Variants in INSL6 observed in about 807,000 individuals in gnomAD.
INSL6 encodes insulin-like peptide INSL6.
Under a neutral mutation model 9.4 loss-of-function variants are expected in INSL6, and 16 were observed. The ratio of observed to expected loss-of-function variants is 1.70; its 90% CI spans 1.15 to 2.59. INSL6 has a LOEUF of 2.59. INSL6 is among the 30% of genes most tolerant of loss of function. The pLI is 0.00. For missense variants in INSL6, 391 were observed against 257.3 expected (o/e 1.52, Z -3.56); for synonymous variants, 154 against 96.9 (o/e 1.59, Z -3.46).
the INSL6 span, among the ~76,000 whole-genome samples, chr9:5,065,739 T>G: frequency 6.6e-6 from 1 of 152,206 alleles, no homozygotes; most frequent in Non-Finnish European, 1.5e-5. Context: ...GTCCTAATGA[T>G]CTCTTAGCTA....
intron 1 of INSL6, among the ~76,000 whole-genome samples, chr9:5,180,764 T>C (rs1261663722): frequency 6.6e-6 from 1 of 152,220 alleles, no homozygotes; most frequent in Non-Finnish European, 1.5e-5. Flanking sequence ...TCAGTAGTTC[T>C]GCTTTTGCCC....
intron 3 of INSL6, among the ~76,000 whole-genome samples, chr9:5,130,719 A>AT (rs1185622576): frequency 6.7e-6 from 1 of 149,402 alleles, no homozygotes; most frequent in African/African-American, 2.5e-5. Context: ...TATTTTTTTT[A>AT]TTTTTTATTT....
the INSL6 span, among the ~76,000 whole-genome samples, chr9:5,016,303 G>A: frequency 1.6e-4 from 25 of 152,258 alleles, no homozygotes; most frequent in African/African-American, 5.8e-4. Flanking sequence ...TTAACCTGCT[G>A]TTATAAGACC....
chr9:5,094,957 C>T, the INSL6 span: 1 of 152,174 alleles, frequency 6.6e-6, no homozygotes, highest in Non-Finnish European at 1.5e-5. Flanking sequence ...CTACCACTTA[C>T]ATTAGCATTC....
chr9:5,006,776 A>G, the INSL6 span, among the ~76,000 whole-genome samples: 1 of 152,234 alleles, frequency 6.6e-6, no homozygotes, highest in Non-Finnish European at 1.5e-5. Flanking sequence ...CTAACACTGA[A>G]GATCATAATT....
At chr9:5,127,644 A>ATATT (rs1197131255) in intron 3 of INSL6, 2 of 232,032 alleles carry the variant, frequency 8.6e-6, no homozygotes, top group Non-Finnish European at 1.7e-5. Flanking sequence ...AATGCCAGGA[A>ATATT]TATTGTCATC....
chr9:5,109,575 G>A, the INSL6 span: 2 of 152,104 alleles, frequency 1.3e-5, no homozygotes, highest in Non-Finnish European at 2.9e-5. Flanking sequence ...CCCTGCAAAA[G>A]AAGATTCATA....
At chr9:5,151,704 C>A (rs905677569) in intron 2 of INSL6, among the ~76,000 whole-genome samples, 3 of 151,924 alleles carry the variant, frequency 2.0e-5, no homozygotes, top group African/African-American at 7.2e-5. Context: ...TAAAAAAATT[C>A]AACCCAATAG....
At chr9:5,082,493 A>G in the INSL6 span, among the ~76,000 whole-genome samples, 8 of 152,214 alleles carry the variant, frequency 5.3e-5, no homozygotes, top group African/African-American at 1.9e-4. Context: ...CAAATGTATA[A>G]TTGGGTTTTA....
At chr9:5,117,911 C>CT in the INSL6 span, among the ~76,000 whole-genome samples, 1 of 152,122 alleles carries the variant, frequency 6.6e-6, no homozygotes, top group Non-Finnish European at 1.5e-5. Context: ...GTTTTCAAAC[C>CT]TTTTAAGTAT....
the INSL6 span, chr9:5,090,810 CG>C: frequency 6.2e-7 from 1 of 1,613,174 alleles, no homozygotes; most frequent in Non-Finnish European, 8.5e-7. Flanking sequence ...TGGTGGAGAA[CG>C]AGAACAGAGT....
the INSL6 span, among the ~76,000 whole-genome samples, chr9:5,013,770 C>T: frequency 2.6e-5 from 4 of 152,106 alleles, no homozygotes; most frequent in Non-Finnish European, 5.9e-5. Flanking sequence ...TTTTGTAGCA[C>T]TTAATTTTTA....
At chr9:5,133,873 G>C (rs181732008) in intron 2 of INSL6, among the ~76,000 whole-genome samples, 4 of 151,592 alleles carry the variant, frequency 2.6e-5, no homozygotes, top group Admixed American at 6.6e-5. Context: ...GTAGGCTTCA[G>C]AAGGTTGGTA....
chr9:5,111,272 TCAGG>T, the INSL6 span: 3 of 490,668 alleles, frequency 6.1e-6, no homozygotes, highest in South Asian at 1.8e-5. Context: ...GCAGCCTGAC[TCAGG>T]CTGGCTTCCT....
At chr9:5,006,883 A>G in the INSL6 span, among the ~76,000 whole-genome samples, 10 of 152,198 alleles carry the variant, frequency 6.6e-5, no homozygotes, top group Non-Finnish European at 7.3e-5. Flanking sequence ...GTTTAGGTAA[A>G]TTGTTTTAAA....
the INSL6 span, among the ~76,000 whole-genome samples, chr9:5,093,056 G>A: frequency 6.6e-6 from 1 of 151,968 alleles, no homozygotes; most frequent in African/African-American, 2.4e-5. Context: ...ACATTACACT[G>A]GTCTAATCTA....
chr9:5,011,836 G>A, the INSL6 span, among the ~76,000 whole-genome samples: 2 of 152,168 alleles, frequency 1.3e-5, no homozygotes, highest in Non-Finnish European at 2.9e-5. Flanking sequence ...GCTTTGTTGG[G>A]ACAGGTCTAT....
chr9:5,046,370 C>A, the INSL6 span, among the ~76,000 whole-genome samples: 10 of 152,252 alleles, frequency 6.6e-5, no homozygotes, highest in East Asian at 1.2e-3. Context: ...CCTTTTCATT[C>A]TGTTGCTTGT....
chr9:5,126,790 GAAAGA>G (rs1824028300), intron 3 of INSL6: 1 of 1,588,218 alleles, frequency 6.3e-7, no homozygotes, highest in East Asian at 2.2e-5. Context: ...ATGGCTGGAT[GAAAGA>G]AATGACCTTC....
Sources: allele counts gnomAD v4.1 joint callset (sites outside exome capture counted in the v4.1 genomes callset), GRCh38; gene constraint gnomAD v4.1.1; transcripts MANE v1.5; gene names NCBI Gene and HGNC (gene_info 2026-07-23, HGNC 2026-07-21).